TFAP2E: variants seen among roughly 807,000 people sequenced by gnomAD.
The protein encoded by TFAP2E is transcription factor AP-2-epsilon.
A neutral mutation model predicts 37.9 loss-of-function variants in TFAP2E; 30 were observed. The ratio of observed to expected loss-of-function variants is 0.79; its 90% CI spans 0.59 to 1.07. TFAP2E has a LOEUF of 1.07. Ranked by LOEUF, TFAP2E falls within the 50% of genes least tolerant of loss-of-function variation. The pLI is 0.00. For missense variants in TFAP2E, 567 were observed against 637.9 expected (o/e 0.89, Z 1.20); for synonymous variants, 318 against 295.8 (o/e 1.08, Z -0.77).
chr1:35,573,719 G>A lies in TFAP2E; in HGVS notation c.27+115G>A. 7 of 1,465,474 alleles carry A rather than the reference G, an allele frequency of 4.8e-6. No homozygotes were observed. Among genetic ancestry groups the A allele is most frequent in the Non-Finnish European group, 5.5e-6 (6 of 1,100,242 alleles). The allele number at this position is 1,465,474 out of a possible 1,614,324, so 90.8% of individuals were successfully genotyped here. ...AAATCTCGGAGGGAGGGGGCCGCAG[G>A]GACTTCGCCAGCTGAGAACGCGATG... is the stretch of plus-strand genomic sequence containing the variant. On this transcript the variant is annotated intron_variant, in intron 1 of 6. Coordinates refer to ENST00000373235, the MANE Select transcript of TFAP2E (RefSeq NM_178548.4). The surrounding 1 kb of genome is among the most constrained non-coding windows in gnomAD (Gnocchi z 5.9).
rs936100902 is a variant in TFAP2E at position 35,574,620 on chromosome 1, T to G, written c.510+211T>G. On this transcript the variant is annotated intron_variant, in intron 2 of 6. Transcript: ENST00000373235. ...ACTGAGTCCGCCAGCAGTGCGTGGG[T>G]GGCAGCAACCCTCGGCAGGGACCGA... 43 of 849,100 alleles carry G rather than the reference T, an allele frequency of 5.1e-5. No individual in the cohort carries two copies. In the Middle Eastern group the frequency reaches 1.1e-3, roughly 22 times the overall value. The allele number at this position is 849,100 out of a possible 1,614,324, so 52.6% of individuals were successfully genotyped here.
intron 3 of TFAP2E, among the ~76,000 whole-genome samples, chr1:35,583,603 A>AGTGTGTGTGTGT (rs201106841): frequency 3.7e-4 from 51 of 138,002 alleles, no homozygotes; most frequent in African/African-American, 1.1e-3. Context: ...TGTCTGCAGG[A>AGTGTGTGTGTGT]GTGTGTGTGT....
chr1:35,574,919 G>A, intron 2 of TFAP2E, 30 bp from the exon 3 acceptor site: 1 of 1,613,602 alleles, frequency 6.2e-7, no homozygotes, highest in Non-Finnish European at 8.5e-7. Flanking sequence ...GGCTTTATGC[G>A]CCCTCACCGC....
At position 35,574,041 on chromosome 1, in the gene TFAP2E, G is replaced by A. The variant is rs1332453203; in HGVS notation, c.142G>A (p.Ala48Thr). ...CCACACGCCGGCCGCCACAGCTGCC[G>A]CCGAATTCCAGCCGCCCTACTTCCC... Reference protein sequence around the residue: ...LCHTPAATAAAEFQPPYFPPP... With the variant: ...LCHTPAATAATEFQPPYFPPP... Residue 48 changes from alanine (A) to threonine (T), a missense_variant, in exon 2 of 7, where the codon GCC (alanine) becomes ACC (threonine). Transcript: ENST00000373235. 7.4e-6 allele frequency: 11 copies of A among 1,485,122 alleles called. No homozygotes were observed. The highest frequency in any genetic ancestry group is 9.8e-6 in the Non-Finnish European group (11 of 1,123,380). 92.0% of individuals were successfully genotyped at this position (1,485,122 alleles called of 1,614,324 possible). A position where few individuals can be genotyped will look rare whatever the true frequency, so the allele number is the denominator to read the frequency against.
chr1:35,575,108 G>A, intron 3 of TFAP2E, 108 bp downstream of exon 3: 3 of 1,405,046 alleles, frequency 2.1e-6, no homozygotes, highest in Non-Finnish European at 3.0e-6. Flanking sequence ...CAGGCTGGGT[G>A]TCCACCAGGC....
Position 35,584,334 on chromosome 1 carries a change from C to T in TFAP2E, c.563-3996C>T, listed in dbSNP as rs1264536803. Among the ~76,000 whole-genome samples the T allele has an allele frequency of 2.0e-5, 3 of 151,952 alleles. No individual in the cohort carries two copies. The East Asian group carries it at 5.8e-4, about 29-fold the overall frequency. ...CCCAGGCTGGTCTCAAACTTCTGGG[C>T]TCAAGTGATCCTCCTGCCTCAGTTT... On this transcript the variant is annotated intron_variant, in intron 3 of 6. Coordinates refer to ENST00000373235, the MANE Select transcript of TFAP2E (RefSeq NM_178548.4).
Position 35,577,487 on chromosome 1 carries a change from A to G in TFAP2E, c.562+2487A>G. Reference sequence around the variant, plus strand: ...GTGCGGTACTGGAGCCTGCCCCGCCAGGGCCCTGGAATCAGAGAAAGTCGC... The same window carrying G: ...GTGCGGTACTGGAGCCTGCCCCGCCGGGGCCCTGGAATCAGAGAAAGTCGC... On this transcript the variant is annotated intron_variant, in intron 3 of 6. Coordinates refer to ENST00000373235, the MANE Select transcript of TFAP2E (RefSeq NM_178548.4). This position sits in a 1 kb window ranked among gnomAD's most constrained non-coding sequence, Gnocchi z 6.3. 2.2e-6 allele frequency: 1 copy of G among 456,168 alleles called. No individual in the cohort carries two copies. Among genetic ancestry groups the G allele is most frequent in the Non-Finnish European group, 4.4e-6 (1 of 226,570 alleles). 28.3% of individuals were successfully genotyped at this position (456,168 alleles called of 1,614,324 possible).
At position 35,574,258 on chromosome 1, in the gene TFAP2E, C is replaced by T; in HGVS notation, c.359C>T (p.Pro120Leu). ...GAGCCTCCCGGCCTGCTGGCACCGC[C>T]CGCCCGCGCCCTGGGCCTTGACCCG... ...HEEPPGLLAP[P>L]ARALGLDPRR... is the part of the protein sequence containing the mutation. The change falls in exon 2 of 7, where the codon CCC becomes CTC. Residue 120 changes from proline to leucine, a missense_variant. Physicochemically the swap from Pro to Leu is moderately conservative, Grantham distance 98. Transcript: ENST00000373235. 7.5e-7 allele frequency: 1 copy of T among 1,329,594 alleles called. No homozygotes were observed. 82.4% of individuals were successfully genotyped at this position (1,329,594 alleles called of 1,614,324 possible).
At position 35,574,387 on chromosome 1, in the gene TFAP2E, C is replaced by T. The variant is rs921025260; in HGVS notation, c.488C>T (p.Ala163Val). 3 of 1,430,248 alleles carry T rather than the reference C, an allele frequency of 2.1e-6. No individual in the cohort carries two copies. Among genetic ancestry groups the T allele is most frequent in the Admixed American group, 6.2e-5 (2 of 32,308 alleles). The allele number at this position is 1,430,248 out of a possible 1,614,324, so 88.6% of individuals were successfully genotyped here. ...APLGLPGLAA[A>V]PGLEDLQAMD... ...CTCGGCCTTCCGGGGCTGGCGGCGG[C>T]CCCCGGTCTGGAGGACCTGCAGGTG... Residue 163 changes from alanine to valine, a missense_variant, in exon 2 of 7, where the codon GCC becomes GTC. Coordinates refer to ENST00000373235, the MANE Select transcript of TFAP2E (RefSeq NM_178548.4).
At chr1:35,574,643 C>T in intron 2 of TFAP2E, 1 of 731,784 alleles carries the variant, frequency 1.4e-6, no homozygotes, top group East Asian at 2.8e-5. Context: ...CGGCAGGGAC[C>T]GAATCACTTC....
At chr1:35,575,726 G>C (rs377717310) in intron 3 of TFAP2E, among the ~76,000 whole-genome samples, 1 of 152,314 alleles carries the variant, frequency 6.6e-6, no homozygotes, top group East Asian at 1.9e-4. Flanking sequence ...GCATTTGGGG[G>C]ATGTACACAT....
intron 6 of TFAP2E, among the ~76,000 whole-genome samples, chr1:35,593,481 C>G (rs1649744580): frequency 1.3e-5 from 2 of 152,202 alleles, no homozygotes; most frequent in African/African-American, 4.8e-5. Context: ...ATCCAGTCCT[C>G]CCACCTAACA....
chr1:35,586,673 A>C (rs187086997), intron 3 of TFAP2E, among the ~76,000 whole-genome samples: 12 of 152,126 alleles, frequency 7.9e-5, no homozygotes, highest in Non-Finnish European at 1.8e-4. Flanking sequence ...GGATGTGGTG[A>C]TGGATGGGGT....
rs1557431037 is a variant in TFAP2E, at chr1:35,573,818, G to A, written c.28-109G>A. On this transcript the variant is annotated intron_variant, in intron 1 of 6. Coordinates refer to ENST00000373235, the MANE Select transcript of TFAP2E (RefSeq NM_178548.4). The surrounding 1 kb of genome is among the most constrained non-coding windows in gnomAD (Gnocchi z 5.9). Reference sequence around the variant, plus strand: ...CTCGGAAATAAACCTCGGGCCCCAAGAAACGGGAGGGACTGCAGCTGAACC... The same window carrying A: ...CTCGGAAATAAACCTCGGGCCCCAAAAAACGGGAGGGACTGCAGCTGAACC... 7.2e-7 allele frequency: 1 copy of A among 1,381,902 alleles called. No homozygotes were observed. Among genetic ancestry groups the A allele is most frequent in the Non-Finnish European group, 9.4e-7 (1 of 1,067,310 alleles). The allele number at this position is 1,381,902 out of a possible 1,614,324, so 85.6% of individuals were successfully genotyped here. A position where few individuals can be genotyped will look rare whatever the true frequency, so the allele number is the denominator to read the frequency against.
intron 3 of TFAP2E, among the ~76,000 whole-genome samples, chr1:35,586,615 G>C (rs1649487395): frequency 6.6e-6 from 1 of 152,152 alleles, no homozygotes; most frequent in South Asian, 2.1e-4. Context: ...AGGATGGGCA[G>C]GGGTGGGAGA....
At position 35,588,364 on chromosome 1, in the gene TFAP2E, C is replaced by G; in HGVS notation, c.597C>G (p.Ala199=). ...PIPSKASSLS[A]LSLAKDSLVG... ...CCTCCAAAGCCAGCAGCCTCTCAGC[C>G]CTCTCCTTGGCCAAAGACAGCCTGG... Residue 199 remains alanine (A), a synonymous_variant, in exon 4 of 7, where the codon GCC becomes GCG. Coordinates refer to ENST00000373235, the MANE Select transcript of TFAP2E (RefSeq NM_178548.4). The surrounding 1 kb of genome is among the most constrained non-coding windows in gnomAD (Gnocchi z 5.1). 6.2e-7 allele frequency: 1 copy of G among 1,613,618 alleles called. No individual in the cohort carries two copies. The highest frequency in any genetic ancestry group is 8.5e-7 in the Non-Finnish European group (1 of 1,179,920).
chr1:35,580,282 G>A (rs1301739856), intron 3 of TFAP2E, among the ~76,000 whole-genome samples: 2 of 152,168 alleles, frequency 1.3e-5, no homozygotes, highest in African/African-American at 4.8e-5. Context: ...CCCAGCAGGG[G>A]AGATGAGGAG....
intron 3 of TFAP2E, among the ~76,000 whole-genome samples, chr1:35,586,999 T>A (rs1188792208): frequency 6.6e-6 from 1 of 152,214 alleles, no homozygotes; most frequent in Non-Finnish European, 1.5e-5. Context: ...ACTTCACCTC[T>A]CTGGACATCA....
In TFAP2E at chr1:35,574,380, G is replaced by A; in HGVS notation, c.481G>A (p.Ala161Thr). 6.9e-7 allele frequency: 1 copy of A among 1,440,626 alleles called. No homozygotes were observed. The highest frequency in any genetic ancestry group is 2.9e-5 in the East Asian group (1 of 34,844). The allele number at this position is 1,440,626 out of a possible 1,614,324, so 89.2% of individuals were successfully genotyped here. The change falls in exon 2 of 7, where the codon GCG becomes ACG. Residue 161 changes from alanine (A) to threonine (T), a missense_variant. Coordinates refer to ENST00000373235, the MANE Select transcript of TFAP2E (RefSeq NM_178548.4). ...ADAPLGLPGL[A>T]AAPGLEDLQA... is the part of the protein sequence containing the mutation. Reference sequence around the variant, plus strand: ...CGCACCTCTCGGCCTTCCGGGGCTGGCGGCGGCCCCCGGTCTGGAGGACCT... The same window carrying A: ...CGCACCTCTCGGCCTTCCGGGGCTGACGGCGGCCCCCGGTCTGGAGGACCT...
Sources: gnomAD v4.1 joint callset for allele counts (sites outside exome capture counted in the v4.1 genomes callset) on GRCh38, gnomAD v4.1.1 for gene constraint, Gnocchi (gnomAD v3.1) non-coding constraint, MANE v1.5 for transcripts, NCBI Gene and HGNC (gene_info 2026-07-23, HGNC 2026-07-21) for gene names.